DHODH: variants seen among roughly 807,000 people sequenced by gnomAD.
DHODH encodes dihydroorotate dehydrogenase (quinone), mitochondrial.
DHODH carries 30 observed loss-of-function variants against 39.7 expected under a neutral mutation model. The observed-to-expected ratio is 0.76, with a 90% CI of 0.57 to 1.02. DHODH has a LOEUF of 1.02. Ranked by LOEUF, DHODH falls within the 50% of genes least tolerant of loss-of-function variation. The probability of loss-of-function intolerance (pLI) is 0.00; values close to 1 mark genes in which losing one functional copy is unlikely to be tolerated. For missense variants in DHODH, 531 were observed against 520.8 expected, an observed-to-expected ratio of 1.02 and a Z score of -0.19; for synonymous variants, 222 against 213.8, an observed-to-expected ratio of 1.04 and a Z score of -0.34.
At position 72,009,479 on chromosome 16, in the gene DHODH, C is replaced by T. The variant is rs1311289438; in HGVS notation, c.21+694C>T. On this transcript the variant is annotated intron_variant, in intron 1 of 8. Transcript: ENST00000219240. The stretch of plus-strand genomic sequence containing the variant: ...GATTGCGCCACTGCAGTCCGCAGTC[C>T]GGCCTGGGCGACAGAGCGAGACTCC... Among the ~76,000 whole-genome samples the T allele has an allele frequency of 7.4e-5, 9 of 122,228 alleles. No homozygotes were observed. The East Asian group carries it at 1.8e-3, about 25-fold the overall frequency. The allele number at this position is 122,228 out of a possible 152,430, so 80.2% of individuals were successfully genotyped here. A position where few individuals can be genotyped will look rare whatever the true frequency, so the allele number is the denominator to read the frequency against.
At chr16:72,018,292 A>G (rs1355573419) in intron 4 of DHODH, among the ~76,000 whole-genome samples, 4 of 152,208 alleles carry the variant, frequency 2.6e-5, no homozygotes, top group Non-Finnish European at 5.9e-5. Flanking sequence ...AGTCTCAGAT[A>G]GTCCTGGTAG....
chr16:72,023,474 G>T lies in DHODH; in HGVS notation c.974G>T (p.Gly325Val), dbSNP rs1263077477. The T allele has an allele frequency of 1.2e-6, 2 of 1,614,136 alleles. No individual in the cohort carries two copies. The highest frequency in any genetic ancestry group is 1.7e-6 in the Non-Finnish European group (2 of 1,180,040). The stretch of plus-strand genomic sequence containing the variant: ...GGTGTCGCCATGTGCTTCTCTGTAG[G>T]CCGAGTTCCCATAATTGGGGTTGGT... ...TIREMYALTQGRVPIIGVGGV... is the reference protein window; with the variant it reads ...TIREMYALTQVRVPIIGVGGV... The change falls in exon 8 of 9, where the codon GGC becomes GTC. Residue 325 changes from glycine to valine, a missense_variant and splice_region_variant. Gly to Val is a moderately radical substitution (Grantham distance 109). Transcript: ENST00000219240.
intron 1 of DHODH, among the ~76,000 whole-genome samples, chr16:72,010,764 C>G (rs1001615913): frequency 3.9e-5 from 6 of 152,206 alleles, no homozygotes; most frequent in African/African-American, 1.4e-4. Context: ...GAGTCTGACT[C>G]TGTCGCCCAG....
chr16:72,017,899 G>A (rs1358873394), intron 4 of DHODH, among the ~76,000 whole-genome samples: 2 of 150,434 alleles, frequency 1.3e-5, no homozygotes, highest in Admixed American at 1.3e-4. Context: ...AGCCTCCCGA[G>A]TAGCTGGGAC....
Position 72,017,103 on chromosome 16 carries a change from G to A in DHODH, c.514G>A (p.Glu172Lys). ...ARQQKQAKLTEDGLPLGVNLG... is the reference protein window; with the variant it reads ...ARQQKQAKLTKDGLPLGVNLG... ...ACAGCAGAAGCAGGCCAAGCTCACA[G>A]AAGGTAAAGTGGGGTTGTGTCAGTG... The change falls in exon 4 of 9, where the codon GAA becomes AAA. Residue 172 changes from glutamate to lysine, a missense_variant. Glu to Lys is a moderately conservative substitution (Grantham distance 56). Transcript: ENST00000219240. 6.2e-7 allele frequency: 1 copy of A among 1,614,092 alleles called. No homozygotes were observed. Among genetic ancestry groups the A allele is most frequent in the Non-Finnish European group, 8.5e-7 (1 of 1,179,960 alleles).
rs550748249 is a variant in DHODH, at chr16:72,008,895, G to A, written c.21+110G>A. 16 of 1,547,872 alleles carry A rather than the reference G, an allele frequency of 1.0e-5. No individual in the cohort carries two copies. In the African/African-American group the frequency reaches 1.9e-4, roughly 19 times the overall value. On this transcript the variant is annotated intron_variant, in intron 1 of 8. Transcript: ENST00000219240. ...ACCGAAGGCGGCTCCGGGAGTGTGG[G>A]CCCCCCTGGGACGTGTGCGTGTTTC...
At chr16:72,018,234 G>A (rs959002881) in intron 4 of DHODH, among the ~76,000 whole-genome samples, 2 of 152,114 alleles carry the variant, frequency 1.3e-5, no homozygotes, top group African/African-American at 2.4e-5. Context: ...GCTCAGTAGC[G>A]ACCATTTTCT....
intron 5 of DHODH, among the ~76,000 whole-genome samples, chr16:72,022,109 A>G (rs924720345): frequency 3.3e-5 from 5 of 151,804 alleles, no homozygotes; most frequent in Admixed American, 1.3e-4. Context: ...AAAAAAAAAA[A>G]AAAGAAAAGA....
chr16:72,018,035 A>T (rs552327651), intron 4 of DHODH, among the ~76,000 whole-genome samples: 2 of 152,138 alleles, frequency 1.3e-5, no homozygotes, highest in East Asian at 3.9e-4. Context: ...CGGCCTCCCA[A>T]AGTGCTGGGA....
chr16:72,023,787 T>C (rs1488423314), intron 8 of DHODH, among the ~76,000 whole-genome samples, 154 bp downstream of exon 8: 2 of 152,186 alleles, frequency 1.3e-5, no homozygotes, highest in Admixed American at 6.5e-5. Context: ...GGTTACTCTT[T>C]TGATGAAGGA....
In DHODH at chr16:72,023,661, C is replaced by G. The variant is rs527414194; in HGVS notation, c.1133+28C>G. 70 of 1,612,130 alleles carry G rather than the reference C, an allele frequency of 4.3e-5. 1 individual carries two copies. The South Asian group carries it at 7.4e-4, about 17-fold the overall frequency. The stretch of plus-strand genomic sequence containing the variant: ...GAGTGAGGTCATGTGTGGCTTGAAA[C>G]AGAAGTTAGGCAGAGGTTCATTTAG... On this transcript the variant is annotated intron_variant, in intron 8 of 8. Coordinates refer to ENST00000219240, the MANE Select transcript of DHODH (RefSeq NM_001361.5).
intron 2 of DHODH, 116 bp downstream of exon 2, chr16:72,012,378 T>C: frequency 1.2e-6 from 1 of 840,884 alleles, no homozygotes; most frequent in Non-Finnish European, 2.0e-6. Flanking sequence ...GCAGTGGGGA[T>C]TTGGAATTCA....
chr16:72,014,752 T>C, intron 3 of DHODH, 80 bp downstream of exon 3: 1 of 1,383,146 alleles, frequency 7.2e-7, no homozygotes, highest in East Asian at 2.4e-5. Context: ...CTGCCTCTGT[T>C]TTTTTTCTCT....
chr16:72,011,377 G>A (rs1360138199), intron 1 of DHODH, among the ~76,000 whole-genome samples: 1 of 152,210 alleles, frequency 6.6e-6, no homozygotes, highest in Non-Finnish European at 1.5e-5. Flanking sequence ...GGTGGCTCAT[G>A]CCTGTAATCC....
Position 72,012,062 on chromosome 16 carries a change from G to A in DHODH, c.34G>A (p.Asp12Asn). The A allele has an allele frequency of 6.2e-7, 1 of 1,614,162 alleles. No homozygotes were observed. The highest frequency in any genetic ancestry group is 8.5e-7 in the Non-Finnish European group (1 of 1,180,012). Residue 12 changes from aspartate to asparagine, a missense_variant, in exon 2 of 9, where the codon GAT becomes AAT. Physicochemically the swap from Asp to Asn is conservative, Grantham distance 23. Coordinates refer to ENST00000219240, the MANE Select transcript of DHODH (RefSeq NM_001361.5). ...CTCTTTTTTGCAGAAGCGGGCCCAGGATGCTGTGATCATCCTGGGGGGAGG... is the reference window on the plus strand; with the variant it reads ...CTCTTTTTTGCAGAAGCGGGCCCAGAATGCTGTGATCATCCTGGGGGGAGG... The part of the protein sequence containing the change: ...AWRHLKKRAQ[D>N]AVIILGGGGL...
In DHODH at chr16:72,023,543, G is replaced by C. The variant is rs988000600; in HGVS notation, c.1043G>C (p.Gly348Ala). Residue 348 changes from glycine to alanine, a missense_variant, in exon 8 of 9, where the codon GGG (glycine) becomes GCG (alanine). Physicochemically the swap from Gly to Ala is moderately conservative, Grantham distance 60 (BLOSUM62 0). Coordinates refer to ENST00000219240, the MANE Select transcript of DHODH (RefSeq NM_001361.5). ...GQDALEKIRA[G>A]ASLVQLYTAL... ...GACGCGCTGGAGAAGATCCGGGCAG[G>C]GGCCTCCCTGGTGCAGCTGTACACG... is the stretch of plus-strand genomic sequence containing the variant. 38 of 1,613,990 alleles carry C rather than the reference G, an allele frequency of 2.4e-5. No individual in the cohort carries two copies. The highest frequency in any genetic ancestry group is 3.2e-5 in the Non-Finnish European group (38 of 1,180,046).
At chr16:72,012,409 T>C (rs1187681611) in intron 2 of DHODH, 147 bp downstream of exon 2, 1 of 712,738 alleles carries the variant, frequency 1.4e-6, no homozygotes, top group Non-Finnish European at 2.4e-6. Flanking sequence ...TATTATTTTA[T>C]GTCATGTAAT....
Position 72,021,328 on chromosome 16 carries a change from C to T in DHODH, c.705+17C>T. On this transcript the variant is annotated intron_variant, in intron 5 of 8. Transcript: ENST00000219240. ...CTGACCAAGGTGGGCAGCTGCACCC[C>T]TCTCCAGGCCCTGTCCCACCAGCCT... 1.3e-6 allele frequency: 2 copies of T among 1,587,832 alleles called. No individual in the cohort carries two copies. The highest frequency in any genetic ancestry group is 1.9e-4 in the Middle Eastern group (1 of 5,274).
In DHODH at chr16:72,018,984, A is replaced by G. The variant is rs552507020; in HGVS notation, c.517+1878A>G. 3.3e-5 allele frequency among the ~76,000 whole-genome samples: 5 copies of G among 152,308 alleles called. No individual in the cohort carries two copies. The East Asian group carries it at 7.7e-4, about 24-fold the overall frequency. On this transcript the variant is annotated intron_variant, in intron 4 of 8. Coordinates refer to ENST00000219240, the MANE Select transcript of DHODH (RefSeq NM_001361.5). ...TTGGATTCTTTGTTTCTTTTGAGAC[A>G]GAGTCTCCCGCTATTGCCCAGGCAA...
Sources: allele counts gnomAD v4.1 joint callset (sites outside exome capture counted in the v4.1 genomes callset), GRCh38; gene constraint gnomAD v4.1.1; transcripts MANE v1.5; gene names NCBI Gene and HGNC (gene_info 2026-07-23, HGNC 2026-07-21).